The following NCF4 variants were observed in gnomAD, a reference collection of about 807,000 sequenced individuals.
NCF4 encodes the protein neutrophil cytosol factor 4.
In NCF4, 30 loss-of-function variants were observed where a neutral mutation model predicts 41.7. The observed-to-expected ratio is 0.72, with a 90% CI of 0.54 to 0.97. The LOEUF (loss-of-function observed/expected upper bound fraction) is 0.97. Among genes scored for constraint, NCF4 ranks in the 50% least tolerant of loss-of-function variants. The pLI, the probability that NCF4 is intolerant of heterozygous loss-of-function variation, is 0.00. For missense variants in NCF4, 432 were observed against 460.9 expected (o/e 0.94, Z 0.57); for synonymous variants, 195 against 175.8 (o/e 1.11, Z -0.87).
chr22:36,873,020 C>CTGGAGGTGAGAT (rs1569115343), intron 7 of NCF4, among the ~76,000 whole-genome samples: 2 of 53,296 alleles, frequency 3.8e-5, no homozygotes, highest in Non-Finnish European at 7.4e-5. Flanking sequence ...GGAGGTGAGA[C>CTGGAGGTGAGAT]TGGAGGTGAG....
chr22:36,861,138 ACT>A lies in NCF4; in HGVS notation c.-30_-29del. 1.3e-6 allele frequency: 2 copies of A among 1,550,896 alleles called. No homozygotes were observed. Among genetic ancestry groups the A allele is most frequent in the Non-Finnish European group, 1.7e-6 (2 of 1,146,676 alleles). ...CTCAGCCTGGGACTGGCTGGGCGAG[ACT>A]CTCCACCTGCTCCCTGGGACCATCG... On this transcript the variant is annotated 5_prime_UTR_variant, in exon 1 of 10. Coordinates refer to ENST00000248899, the MANE Select transcript of NCF4 (RefSeq NM_000631.5).
intron 2 of NCF4, 71 bp from the exon 3 acceptor site, chr22:36,864,848 T>C: frequency 6.3e-7 from 1 of 1,590,902 alleles, no homozygotes; most frequent in Non-Finnish European, 8.6e-7. Context: ...CTCCTCCCCT[T>C]TTCCCTTCCA....
At chr22:36,872,796 GATT>G (rs1940100134) in intron 7 of NCF4, among the ~76,000 whole-genome samples, 1 of 124,764 alleles carries the variant, frequency 8.0e-6, no homozygotes. Flanking sequence ...TGAGGATGGA[GATT>G]GAGGGTGGAG....
At chr22:36,876,167 T>C in intron 9 of NCF4, 73 bp downstream of exon 9, 4 of 1,387,914 alleles carry the variant, frequency 2.9e-6, no homozygotes, top group Non-Finnish European at 3.9e-6. Flanking sequence ...TGTTAAGCAC[T>C]AGTATTAAGG....
chr22:36,876,000 C>T (rs1373007613), intron 8 of NCF4, 29 bp from the exon 9 acceptor site: 3 of 1,614,078 alleles, frequency 1.9e-6, no homozygotes, highest in Non-Finnish European at 2.5e-6. Flanking sequence ...AGCCTGATGC[C>T]TCCTTACTCC....
At chr22:36,862,352 GC>G (rs1490343241) in intron 1 of NCF4, among the ~76,000 whole-genome samples, 1 of 152,204 alleles carries the variant, frequency 6.6e-6, no homozygotes, top group East Asian at 1.9e-4. Context: ...AGTCCACGTG[GC>G]CTTCCTGAGC....
intron 1 of NCF4, among the ~76,000 whole-genome samples, chr22:36,861,957 T>C (rs895396685): frequency 1.3e-5 from 2 of 152,104 alleles, no homozygotes; most frequent in African/African-American, 4.8e-5. Flanking sequence ...ATTGTACAGA[T>C]TGGAAATCTG....
intron 1 of NCF4, among the ~76,000 whole-genome samples, chr22:36,863,790 C>A (rs1359902945): frequency 2.0e-5 from 3 of 151,724 alleles, no homozygotes; most frequent in Non-Finnish European, 4.4e-5. Context: ...TTCCTACACT[C>A]AATATGGCCA....
At chr22:36,873,465 T>C (rs3788523) in intron 7 of NCF4, among the ~76,000 whole-genome samples, 85,911 of 151,322 alleles carry the variant, frequency 0.57, 26,158 homozygotes, top group Non-Finnish European at 0.67. Flanking sequence ...CTTCAGAGAC[T>C]GAGGATGGTC....
chr22:36,864,494 G>A (rs1422651639), intron 2 of NCF4, among the ~76,000 whole-genome samples: 1 of 152,048 alleles, frequency 6.6e-6, no homozygotes, highest in Non-Finnish European at 1.5e-5. Context: ...CGGGGGTGAG[G>A]GACTTTAGTG....
At chr22:36,870,886 C>G (rs1940040217) in intron 5 of NCF4, among the ~76,000 whole-genome samples, 1 of 152,210 alleles carries the variant, frequency 6.6e-6, no homozygotes, top group South Asian at 2.1e-4. Flanking sequence ...CATCCACAAA[C>G]ATTCTCTGAG....
chr22:36,876,145 C>A, intron 9 of NCF4, 51 bp downstream of exon 9: 9 of 1,492,632 alleles, frequency 6.0e-6, no homozygotes, highest in Non-Finnish European at 8.1e-6. Flanking sequence ...GAGAAGAGAG[C>A]GCAGGGAGAA....
At chr22:36,874,308 G>C (rs551188607) in intron 7 of NCF4, among the ~76,000 whole-genome samples, 3 of 152,366 alleles carry the variant, frequency 2.0e-5, no homozygotes, top group South Asian at 2.1e-4. Context: ...TTCAGACTTA[G>C]TGCTCCTGTG....
Position 36,865,077 on chromosome 22 carries a change from G to A in NCF4, c.271+5G>A. On this transcript the variant is annotated splice_donor_5th_base_variant and intron_variant, in intron 3 of 9. Coordinates refer to ENST00000248899, the MANE Select transcript of NCF4 (RefSeq NM_000631.5). This position sits in a 1 kb window ranked among gnomAD's most constrained non-coding sequence, Gnocchi z 4.3. Reference sequence around the variant, plus strand: ...GTACCCTGCCCACACTCCCAGGTAGGCGGCCACTCCCGTCCTGCTGCTGCA... The same window carrying A: ...GTACCCTGCCCACACTCCCAGGTAGACGGCCACTCCCGTCCTGCTGCTGCA... 6.2e-7 allele frequency: 1 copy of A among 1,608,924 alleles called. No individual in the cohort carries two copies. The highest frequency in any genetic ancestry group is 8.5e-7 in the Non-Finnish European group (1 of 1,179,938).
intron 8 of NCF4, 115 bp from the exon 9 acceptor site, chr22:36,875,914 G>T: frequency 3.1e-6 from 5 of 1,614,132 alleles, no homozygotes; most frequent in Non-Finnish European, 4.2e-6. Context: ...GAGCCACAAT[G>T]CTGTAACAAG....
At position 36,875,841 on chromosome 22, in the gene NCF4, G is replaced by A. The variant is rs763603530; in HGVS notation, c.758+58G>A. 2.7e-5 allele frequency: 44 copies of A among 1,613,864 alleles called. No individual in the cohort carries two copies. In the Admixed American group the frequency reaches 3.0e-4, roughly 11 times the overall value. ...CCTTCCTGCCATCCCTACGACCACT[G>A]CCCCTCACATCACCTTCTCATGGGT... On this transcript the variant is annotated intron_variant, in intron 8 of 9. Transcript: ENST00000248899.
rs748145977 is a variant in NCF4 at position 36,869,332 on chromosome 22, C to T, written c.343-1083C>T. 1.4e-4 allele frequency among the ~76,000 whole-genome samples: 22 copies of T among 152,288 alleles called. No individual in the cohort carries two copies. In the South Asian group the frequency reaches 2.3e-3, roughly 16 times the overall value. On this transcript the variant is annotated intron_variant, in intron 4 of 9. Coordinates refer to ENST00000248899, the MANE Select transcript of NCF4 (RefSeq NM_000631.5). ...CTCATTTAATTCTCACACAATCCCA[C>T]GAGGGAGAGGCTATTATTGTCCCCA... is the stretch of plus-strand genomic sequence containing the variant.
At chr22:36,864,278 T>C (rs1404845692) in intron 2 of NCF4, 149 bp downstream of exon 2, 6 of 758,140 alleles carry the variant, frequency 7.9e-6, no homozygotes, top group African/African-American at 6.8e-5. Flanking sequence ...TTTTGCCCAT[T>C]TGACATTACC....
intron 7 of NCF4, among the ~76,000 whole-genome samples, chr22:36,873,466 G>A (rs1470887446): frequency 4.0e-5 from 6 of 151,448 alleles, no homozygotes; most frequent in African/African-American, 1.5e-4. Flanking sequence ...TTCAGAGACT[G>A]AGGATGGTCT....
Sources: allele counts gnomAD v4.1 joint callset (sites outside exome capture counted in the v4.1 genomes callset), GRCh38; gene constraint gnomAD v4.1.1; non-coding constraint Gnocchi (gnomAD v3.1); transcripts MANE v1.5; gene names NCBI Gene and HGNC (gene_info 2026-07-23, HGNC 2026-07-21).